RFX7: variants seen among roughly 807,000 people sequenced by gnomAD.
RFX7 encodes DNA-binding protein RFX7.
Under a neutral mutation model 111.8 loss-of-function variants are expected in RFX7, and 26 were observed. That is an observed-to-expected ratio of 0.23 (90% CI 0.17 to 0.32). RFX7 has a LOEUF of 0.32. Among genes scored for constraint, RFX7 ranks in the 10% least tolerant of loss-of-function variants. The pLI is 1.00. For missense variants in RFX7, 1,573 were observed against 1,772.9 expected, an observed-to-expected ratio of 0.89 and a Z score of 2.02; for synonymous variants, 624 against 624.4, an observed-to-expected ratio of 1.00 and a Z score of 0.01.
chr15:56,179,712 T>G lies in RFX7; in HGVS notation c.162-409A>C, dbSNP rs1341690191. On this transcript the variant is annotated intron_variant, in intron 2 of 9. Coordinates refer to ENST00000559447, the MANE Select transcript of RFX7 (RefSeq NM_022841.7). Reference sequence around the variant, plus strand: ...ATAACGATGTACTACAATCTGTAGCTTGTAAGATTTGATACATAAAAGATT... The same window carrying G: ...ATAACGATGTACTACAATCTGTAGCGTGTAAGATTTGATACATAAAAGATT... 1.1e-4 allele frequency among the ~76,000 whole-genome samples: 16 copies of G among 151,630 alleles called. 1 individual carries two copies. The South Asian group carries it at 2.3e-3, about 22-fold the overall frequency.
At chr15:56,121,052 GT>G (rs1193699229) in intron 5 of RFX7, among the ~76,000 whole-genome samples, 1 of 152,074 alleles carries the variant, frequency 6.6e-6, no homozygotes, top group African/African-American at 2.4e-5. Flanking sequence ...AATAGTCTGT[GT>G]TTTTTTCTGT....
chr15:56,123,851 A>G (rs1295144447), intron 5 of RFX7, among the ~76,000 whole-genome samples: 1 of 152,124 alleles, frequency 6.6e-6, no homozygotes, highest in Non-Finnish European at 1.5e-5. Flanking sequence ...TTCCAATGCA[A>G]AGTTCCACAG....
intron 3 of RFX7, among the ~76,000 whole-genome samples, chr15:56,152,024 G>A (rs181898719): frequency 4.4e-4 from 67 of 152,292 alleles, no homozygotes; most frequent in Admixed American, 4.0e-3. Flanking sequence ...AAATATATAC[G>A]CAGCCAATAC....
intron 2 of RFX7, among the ~76,000 whole-genome samples, chr15:56,238,704 T>C (rs1481879029): frequency 6.6e-6 from 1 of 152,250 alleles, no homozygotes; most frequent in African/African-American, 2.4e-5. Flanking sequence ...AATGCAGTAT[T>C]GGAATATTTT....
At chr15:56,161,327 T>C (rs1361905692) in intron 3 of RFX7, among the ~76,000 whole-genome samples, 2 of 152,160 alleles carry the variant, frequency 1.3e-5, no homozygotes, top group South Asian at 2.1e-4. Flanking sequence ...GAAATTCCAA[T>C]ATTAAGAAGC....
chr15:56,150,637 C>A (rs1324491309), intron 3 of RFX7, among the ~76,000 whole-genome samples: 1 of 152,170 alleles, frequency 6.6e-6, no homozygotes, highest in Non-Finnish European at 1.5e-5. Context: ...CTAACAATTC[C>A]AAAAACCAGA....
chr15:56,202,282 ATATTT>A (rs748997191), intron 2 of RFX7, among the ~76,000 whole-genome samples: 14 of 152,236 alleles, frequency 9.2e-5, no homozygotes, highest in Non-Finnish European at 1.3e-4. Flanking sequence ...ATTTAGTAAA[ATATTT>A]TAGTGTGTCA....
chr15:56,133,640 T>TTAAA (rs1411982174), intron 5 of RFX7, among the ~76,000 whole-genome samples: 1 of 152,132 alleles, frequency 6.6e-6, no homozygotes, highest in East Asian at 1.9e-4. Flanking sequence ...CTCCTGTGAT[T>TTAAA]TAAAACTCTT....
At position 56,101,428 on chromosome 15, in the gene RFX7, G is replaced by T; in HGVS notation, c.742C>A (p.Leu248Ile). ...FDTVLELARF[L>I]VKSHYIGTKS... is the part of the protein sequence containing the mutation. The stretch of plus-strand genomic sequence containing the variant: ...GTGCCTATATAGTGACTTTTTACAA[G>T]GAAGCGGGCTAATTCCAAGACGGTG... The change falls in exon 8 of 10, where the codon CTT (leucine) becomes ATT (isoleucine). Residue 248 changes from leucine to isoleucine, a missense_variant. Transcript: ENST00000559447. 1 of 1,612,852 alleles carries T rather than the reference G, an allele frequency of 6.2e-7. No individual in the cohort carries two copies. Among genetic ancestry groups the T allele is most frequent in the Non-Finnish European group, 8.5e-7 (1 of 1,179,498 alleles).
chr15:56,169,532 T>C (rs1237743126), intron 3 of RFX7, among the ~76,000 whole-genome samples: 2 of 152,176 alleles, frequency 1.3e-5, no homozygotes, highest in African/African-American at 2.4e-5. Context: ...TCATTTAATA[T>C]ATATGACAAC....
chr15:56,201,074 T>C (rs2141181262), intron 2 of RFX7, among the ~76,000 whole-genome samples: 1 of 152,266 alleles, frequency 6.6e-6, no homozygotes, highest in East Asian at 1.9e-4. Flanking sequence ...ATCCAGGTAA[T>C]GGTGCTTAAT....
intron 2 of RFX7, among the ~76,000 whole-genome samples, chr15:56,218,076 T>G (rs1396459495): frequency 2.0e-5 from 3 of 150,682 alleles, no homozygotes; most frequent in Non-Finnish European, 4.4e-5. Context: ...CCTAACAATA[T>G]AGTATAAAAA....
intron 2 of RFX7, among the ~76,000 whole-genome samples, chr15:56,212,850 A>G (rs1258790800): frequency 6.6e-6 from 1 of 152,210 alleles, no homozygotes; most frequent in East Asian, 1.9e-4. Context: ...TTGAAAAAAT[A>G]TATCACCAAA....
intron 2 of RFX7, among the ~76,000 whole-genome samples, chr15:56,225,353 C>T (rs757204563): frequency 2.0e-4 from 30 of 152,156 alleles, no homozygotes; most frequent in Non-Finnish European, 4.0e-4. Context: ...GTTTCAGTTA[C>T]AGTCCCTCAT....
At position 56,119,920 on chromosome 15, in the gene RFX7, G is replaced by A. The variant is rs561681540; in HGVS notation, c.402-16250C>T. Among the ~76,000 whole-genome samples, 10 of 152,212 alleles carry A rather than the reference G, an allele frequency of 6.6e-5. No homozygotes were observed. In the South Asian group the frequency reaches 1.9e-3, roughly 28 times the overall value. ...CTGTTTTGGTTACTACAGCTCTATA[G>A]TATAATTTGAAGGTAATGTGATTAG... On this transcript the variant is annotated intron_variant, in intron 5 of 9. Transcript: ENST00000559447.
Position 56,096,130 on chromosome 15 carries a change from G to C in RFX7, c.1598C>G (p.Ser533Cys). 1.9e-6 allele frequency: 3 copies of C among 1,613,842 alleles called. No homozygotes were observed. Among genetic ancestry groups the C allele is most frequent in the Non-Finnish European group, 1.7e-6 (2 of 1,179,838 alleles). ...GSRSSSAGGTSAVEVKVEPET... is the reference protein window; with the variant it reads ...GSRSSSAGGTCAVEVKVEPET... ...GGGTTCCACTTTGACTTCCACAGCAGATGTTCCCCCCGCACTGCTGCTCCT... is the reference window on the plus strand; with the variant it reads ...GGGTTCCACTTTGACTTCCACAGCACATGTTCCCCCCGCACTGCTGCTCCT... Residue 533 changes from serine (S) to cysteine (C), a missense_variant, in exon 10 of 10, where the codon TCT becomes TGT. Transcript: ENST00000559447.
intron 5 of RFX7, among the ~76,000 whole-genome samples, chr15:56,108,996 G>A (rs1300670329): frequency 6.6e-6 from 1 of 151,980 alleles, no homozygotes; most frequent in Non-Finnish European, 1.5e-5. Flanking sequence ...GGAAGTGAAG[G>A]ACCTCTTCAA....
At chr15:56,140,802 A>C (rs1232590319) in intron 5 of RFX7, among the ~76,000 whole-genome samples, 1 of 152,238 alleles carries the variant, frequency 6.6e-6, no homozygotes, top group South Asian at 2.1e-4. Context: ...GGAATCTTTG[A>C]AAAAGATTTC....
chr15:56,201,532 C>T (rs2043192816), intron 2 of RFX7, among the ~76,000 whole-genome samples: 2 of 152,048 alleles, frequency 1.3e-5, no homozygotes, highest in African/African-American at 4.8e-5. Flanking sequence ...GATACCAAAA[C>T]TGATATATTT....
Sources: allele counts gnomAD v4.1 joint callset (sites outside exome capture counted in the v4.1 genomes callset), GRCh38; gene constraint gnomAD v4.1.1; transcripts MANE v1.5; gene names NCBI Gene and HGNC (gene_info 2026-07-23, HGNC 2026-07-21).